The following EIF4G3 variants were observed in gnomAD, a reference collection of about 807,000 sequenced individuals.
EIF4G3 encodes eIF-4-gamma 3.
Under a neutral mutation model 186.4 loss-of-function variants are expected in EIF4G3, and 34 were observed. The observed-to-expected ratio is 0.18, with a 90% CI of 0.14 to 0.24. The LOEUF is 0.24. Ranked by LOEUF, EIF4G3 falls within the 10% of genes least tolerant of loss-of-function variation. The pLI is 1.00. For missense variants in EIF4G3, 1,536 were observed against 1,948.5 expected (o/e 0.79, Z 3.99); for synonymous variants, 673 against 679.5 (o/e 0.99, Z 0.15).
At chr1:21,153,176 G>A (rs1162134804) in intron 2 of EIF4G3, among the ~76,000 whole-genome samples, 2 of 152,090 alleles carry the variant, frequency 1.3e-5, no homozygotes, top group Non-Finnish European at 2.9e-5. Flanking sequence ...GCTGCCCCTA[G>A]TAGCTTTCGG....
chr1:20,997,613 A>G lies in EIF4G3; in HGVS notation c.165T>C (p.Pro55=). 6.5e-7 allele frequency: 1 copy of G among 1,547,592 alleles called. No individual in the cohort carries two copies. The highest frequency in any genetic ancestry group is 8.7e-7 in the Non-Finnish European group (1 of 1,145,604). Residue 55 remains proline, a synonymous_variant, in exon 7 of 37, where the codon CCT becomes CCC. Coordinates refer to ENST00000602326, the MANE Select transcript of EIF4G3 (RefSeq NM_001391906.1). Reference sequence around the variant, plus strand: ...AAGGGTACAGTACCTGATGATGGGGAGGTCGAGGCCCCGCTGCAAACTGAG... The same window carrying G: ...AAGGGTACAGTACCTGATGATGGGGGGGTCGAGGCCCCGCTGCAAACTGAG... The part of the protein sequence containing the change: ...KYCIFAAGPR[P]PHHQGGFRPI...
chr1:21,065,839 G>A (rs1198827826), intron 3 of EIF4G3, among the ~76,000 whole-genome samples: 1 of 152,140 alleles, frequency 6.6e-6, no homozygotes, highest in African/African-American at 2.4e-5. Context: ...TATTAAGCCA[G>A]TAAGTGTAAG....
intron 20 of EIF4G3, among the ~76,000 whole-genome samples, chr1:20,875,294 T>C (rs1487072802): frequency 1.3e-5 from 2 of 152,206 alleles, no homozygotes; most frequent in East Asian, 3.8e-4. Context: ...CTAGTTACCT[T>C]TAAAAAAGAC....
At chr1:20,934,187 A>ATG (rs2095437370) in intron 14 of EIF4G3, among the ~76,000 whole-genome samples, 1 of 152,222 alleles carries the variant, frequency 6.6e-6, no homozygotes, top group Non-Finnish European at 1.5e-5. Flanking sequence ...AGGAAGATAA[A>ATG]TGTGTGTCTA....
intron 4 of EIF4G3, among the ~76,000 whole-genome samples, chr1:21,014,577 G>A (rs1049241771): frequency 5.4e-5 from 8 of 149,508 alleles, no homozygotes; most frequent in African/African-American, 7.4e-5. Flanking sequence ...GCAGTATTTC[G>A]TTTTCAGTTC....
At chr1:20,936,796 GT>G (rs778647822) in intron 14 of EIF4G3, among the ~76,000 whole-genome samples, 1 of 152,158 alleles carries the variant, frequency 6.6e-6, no homozygotes, top group African/African-American at 2.4e-5. Flanking sequence ...TTACACTTCA[GT>G]AAGTCTAAAC....
chr1:20,859,486 T>C (rs2075860935), intron 24 of EIF4G3, among the ~76,000 whole-genome samples: 2 of 152,212 alleles, frequency 1.3e-5, no homozygotes, highest in Non-Finnish European at 2.9e-5. Flanking sequence ...AAATTATCAT[T>C]TCCCTCTGAA....
At chr1:20,846,734 T>G (rs745414536) in intron 29 of EIF4G3, among the ~76,000 whole-genome samples, 1 of 152,224 alleles carries the variant, frequency 6.6e-6, no homozygotes, top group Admixed American at 6.5e-5. Context: ...ATAAATAGCA[T>G]AGAGGCTAAA....
Position 20,972,082 on chromosome 1 carries a change from A to C in EIF4G3, c.591+920T>G, listed in dbSNP as rs376110637. Among the ~76,000 whole-genome samples the C allele has an allele frequency of 3.9e-5, 6 of 152,042 alleles. No homozygotes were observed. In the East Asian group the frequency reaches 1.2e-3, roughly 29 times the overall value. ...TCTGTTGCGTAAGGAATTGCAAGCC[A>C]CTCTTCTACAATTTTTCTGCCATTT... is the stretch of plus-strand genomic sequence containing the variant. On this transcript the variant is annotated intron_variant, in intron 11 of 36. Coordinates refer to ENST00000602326, the MANE Select transcript of EIF4G3 (RefSeq NM_001391906.1).
chr1:20,894,553 C>G (rs113092809), intron 17 of EIF4G3, among the ~76,000 whole-genome samples: 1 of 152,072 alleles, frequency 6.6e-6, no homozygotes, highest in Admixed American at 6.5e-5. Context: ...AATTTTTTTG[C>G]GTGAAAATTC....
At chr1:20,845,248 T>C (rs1233405884) in intron 29 of EIF4G3, among the ~76,000 whole-genome samples, 1 of 152,260 alleles carries the variant, frequency 6.6e-6, no homozygotes, top group African/African-American at 2.4e-5. Context: ...GTCAGGTTTG[T>C]TGAAGATAAG....
At chr1:20,920,228 A>C (rs1198584777) in intron 14 of EIF4G3, among the ~76,000 whole-genome samples, 1 of 152,226 alleles carries the variant, frequency 6.6e-6, no homozygotes, top group Non-Finnish European at 1.5e-5. Context: ...TGTACAAATA[A>C]AATTGATAGT....
intron 10 of EIF4G3, among the ~76,000 whole-genome samples, chr1:20,978,351 T>A (rs1185991562): frequency 6.6e-6 from 1 of 152,164 alleles, no homozygotes; most frequent in Non-Finnish European, 1.5e-5. Flanking sequence ...TCTGAAAATA[T>A]CAAATTTCAT....
At chr1:20,959,699 C>T (rs2154564468) in intron 12 of EIF4G3, among the ~76,000 whole-genome samples, 1 of 143,202 alleles carries the variant, frequency 7.0e-6, no homozygotes, top group African/African-American at 2.6e-5. Context: ...AATAATAATC[C>T]CATCAAAAAG....
intron 3 of EIF4G3, among the ~76,000 whole-genome samples, chr1:21,066,880 T>A (rs2095261940): frequency 6.6e-6 from 1 of 152,214 alleles, no homozygotes; most frequent in African/African-American, 2.4e-5. Flanking sequence ...AGTTGTTTTA[T>A]TTTTAAAAAC....
intron 3 of EIF4G3, among the ~76,000 whole-genome samples, chr1:21,053,832 T>C (rs2094428315): frequency 7.7e-6 from 1 of 130,576 alleles, no homozygotes. Flanking sequence ...AGCCGCCCCA[T>C]CCGGGAGGGA....
chr1:21,041,117 T>A (rs574660631), intron 4 of EIF4G3, among the ~76,000 whole-genome samples: 58 of 152,348 alleles, frequency 3.8e-4, no homozygotes, highest in African/African-American at 1.4e-3. Flanking sequence ...ATTTTAATTT[T>A]AACAGTTATG....
At chr1:20,857,093 G>A (rs2075137463) in intron 25 of EIF4G3, among the ~76,000 whole-genome samples, 1 of 139,992 alleles carries the variant, frequency 7.1e-6, no homozygotes, top group Non-Finnish European at 1.5e-5. Flanking sequence ...AACTCGGGAG[G>A]TGGAGCCTGC....
At chr1:21,124,254 C>T (rs1022312253) in intron 2 of EIF4G3, among the ~76,000 whole-genome samples, 2 of 151,322 alleles carry the variant, frequency 1.3e-5, no homozygotes, top group Admixed American at 1.3e-4. Context: ...TACTGCACTC[C>T]AGCCTGGGTG....
Sources: gnomAD v4.1 joint callset for allele counts (sites outside exome capture counted in the v4.1 genomes callset) on GRCh38, gnomAD v4.1.1 for gene constraint, MANE v1.5 for transcripts, NCBI Gene and HGNC (gene_info 2026-07-23, HGNC 2026-07-21) for gene names.